RPL3L: variants seen among roughly 807,000 people sequenced by gnomAD.
RPL3L encodes ribosomal protein L3 like, also known as ribosomal protein uL3-like.
A neutral mutation model predicts 44.5 loss-of-function variants in RPL3L; 44 were observed. That is an observed-to-expected ratio of 0.99 (90% confidence interval 0.78 to 1.27). The LOEUF is 1.27. Ranked by LOEUF, RPL3L falls within the 50% of genes most tolerant of loss-of-function variation. RPL3L has a pLI of 0.00. For synonymous variants in RPL3L, 292 were observed against 230.7 expected (o/e 1.27, Z -2.41); for missense variants, 631 against 569.1 (o/e 1.11, Z -1.11).
chr16:1,946,938 C>T lies in RPL3L; in HGVS notation c.849G>A (p.Lys283=). The T allele has an allele frequency of 6.3e-7, 1 of 1,597,914 alleles. No homozygotes were observed. Among genetic ancestry groups the T allele is most frequent in the Non-Finnish European group, 8.5e-7 (1 of 1,171,610 alleles). ...CCCCGTACCCCGGCTGAGGACGCAC[C>T]TTCTTGTTGAGCTCCGTGCGGTGGT... ...GYHHRTELNK[K]IFRIGRGPHM... Residue 283 remains lysine (K), a splice_region_variant and synonymous_variant, in exon 6 of 10, where the codon AAG becomes AAA. Coordinates refer to ENST00000268661, the MANE Select transcript of RPL3L (RefSeq NM_005061.3).
rs770553809 is a variant in RPL3L, at chr16:1,953,002, T to G, written c.237A>C (p.Val79=). ...KREEVEAVTI[V]ETPPLVVVGV... is the part of the protein sequence containing the mutation. Reference sequence around the variant, plus strand: ...CCACCACCACTAGGGGCGGCGTTTCTACAATTGTCACCGCCTCCACCTCCT... The same window carrying G: ...CCACCACCACTAGGGGCGGCGTTTCGACAATTGTCACCGCCTCCACCTCCT... The change falls in exon 3 of 10, where the codon GTA becomes GTC. Residue 79 remains valine, a synonymous_variant. Transcript: ENST00000268661. The G allele has an allele frequency of 1.4e-5, 22 of 1,609,758 alleles. No individual in the cohort carries two copies. Among genetic ancestry groups the G allele is most frequent in the Admixed American group, 3.4e-5 (2 of 58,952 alleles).
chr16:1,951,017 C>T (rs2150864652), intron 3 of RPL3L, 38 bp from the exon 4 acceptor site: 1 of 1,605,860 alleles, frequency 6.2e-7, no homozygotes, highest in Admixed American at 1.7e-5. Context: ...AAGCCCCCAA[C>T]CGGGGCAGCT....
rs746514363 is a variant in RPL3L, at chr16:1,950,911, T to C, written c.434A>G (p.Gln145Arg). The C allele has an allele frequency of 8.7e-6, 14 of 1,613,950 alleles. No homozygotes were observed. Among genetic ancestry groups the C allele is most frequent in the East Asian group, 2.2e-5 (1 of 44,894 alleles). ...CATGGCGGCGAAGTCCTTCTGTAGC[T>C]GCTTTTTCCCGTCTGTGTCCCGCCA... is the stretch of plus-strand genomic sequence containing the variant. The part of the protein sequence containing the change: ...KRWRDTDGKK[Q>R]LQKDFAAMKK... Residue 145 changes from glutamine (Q) to arginine (R), a missense_variant, in exon 4 of 10, where the codon CAG becomes CGG. Physicochemically the swap from Gln to Arg is conservative, Grantham distance 43. Transcript: ENST00000268661.
intron 4 of RPL3L, among the ~76,000 whole-genome samples, chr16:1,950,570 A>C (rs2083164881): frequency 6.6e-6 from 1 of 152,166 alleles, no homozygotes; most frequent in Admixed American, 6.5e-5. Flanking sequence ...CCCTCCACAC[A>C]GCACACTTGG....
At chr16:1,946,747 C>G (rs1207367135) in intron 6 of RPL3L, 21 bp from the exon 7 acceptor site, 5 of 1,610,896 alleles carry the variant, frequency 3.1e-6, no homozygotes, top group Non-Finnish European at 4.2e-6. Flanking sequence ...GGGGCACATG[C>G]CAGGGGCAGG....
intron 1 of RPL3L, 78 bp from the exon 2 acceptor site, chr16:1,954,226 G>C: frequency 1.5e-6 from 2 of 1,359,616 alleles, no homozygotes; most frequent in South Asian, 3.1e-5. Context: ...ACCCATACCT[G>C]GAGAAATGGA....
chr16:1,948,707 T>TTTTG (rs1555481157), intron 4 of RPL3L, among the ~76,000 whole-genome samples: 7 of 142,482 alleles, frequency 4.9e-5, no homozygotes, highest in African/African-American at 8.7e-5. Context: ...GTTGTTTTTT[T>TTTTG]TTTGTTTGTT....
Position 1,947,272 on chromosome 16 carries a change from G to C in RPL3L, c.610C>G (p.Gln204Glu). 1 of 1,613,396 alleles carries C rather than the reference G, an allele frequency of 6.2e-7. No homozygotes were observed. Among genetic ancestry groups the C allele is most frequent in the Non-Finnish European group, 8.5e-7 (1 of 1,179,874 alleles). ...VAWAQARLEKQVPVHSVFSQS... is the reference protein window; with the variant it reads ...VAWAQARLEKEVPVHSVFSQS... ...CTGAACACGCTGTGCACGGGCACCTGCTTCTCCAGCCGGGCCTGGGCCCAG... is the reference window on the plus strand; with the variant it reads ...CTGAACACGCTGTGCACGGGCACCTCCTTCTCCAGCCGGGCCTGGGCCCAG... The change falls in exon 5 of 10, where the codon CAG (glutamine) becomes GAG (glutamate). Residue 204 changes from glutamine to glutamate, a missense_variant. Physicochemically the swap from Gln to Glu is conservative, Grantham distance 29. Coordinates refer to ENST00000268661, the MANE Select transcript of RPL3L (RefSeq NM_005061.3).
chr16:1,944,340 A>C lies in RPL3L; in HGVS notation c.*497T>G, dbSNP rs2083103741. The C allele has an allele frequency of 6.4e-6, 1 of 156,948 alleles. No homozygotes were observed. The highest frequency in any genetic ancestry group is 2.4e-5 in the African/African-American group (1 of 41,428). 9.7% of individuals were successfully genotyped at this position (156,948 alleles called of 1,614,324 possible). Reference sequence around the variant, plus strand: ...CAACTTGATGGATCTGCTGGCACCAACCAGATTGATAAACTGGCTCATCTG... The same window carrying C: ...CAACTTGATGGATCTGCTGGCACCACCCAGATTGATAAACTGGCTCATCTG... On this transcript the variant is annotated 3_prime_UTR_variant, in exon 10 of 10. Transcript: ENST00000268661.
chr16:1,952,587 G>C (rs1033973407), intron 3 of RPL3L, among the ~76,000 whole-genome samples: 19 of 152,106 alleles, frequency 1.2e-4, no homozygotes, highest in African/African-American at 4.1e-4. Context: ...TGTTGGCCAA[G>C]CTGGTCTCAA....
chr16:1,944,769 C>G lies in RPL3L; in HGVS notation c.*68G>C. The G allele has an allele frequency of 6.2e-7, 1 of 1,607,116 alleles. No individual in the cohort carries two copies. Among genetic ancestry groups the G allele is most frequent in the Non-Finnish European group, 8.5e-7 (1 of 1,174,048 alleles). On this transcript the variant is annotated 3_prime_UTR_variant, in exon 10 of 10. Transcript: ENST00000268661. ...TCTGAGACCTCGCAGGAAGAGTCGC[C>G]TCCGGCCTTTGTTAGACATTGGGGC... is the stretch of plus-strand genomic sequence containing the variant.
Position 1,944,440 on chromosome 16 carries a change from A to G in RPL3L, c.*397T>C, listed in dbSNP as rs538907315. 1.6e-4 allele frequency: 27 copies of G among 169,880 alleles called. No individual in the cohort carries two copies. Among genetic ancestry groups the G allele is most frequent in the Non-Finnish European group, 3.1e-4 (24 of 78,154 alleles). 10.5% of individuals were successfully genotyped at this position (169,880 alleles called of 1,614,324 possible). The stretch of plus-strand genomic sequence containing the variant: ...CTCCCTGTGATTTCCTCCCTGACCA[A>G]TCGGCTCTCCTGGCTCACTGGCTCT... On this transcript the variant is annotated 3_prime_UTR_variant, in exon 10 of 10. Coordinates refer to ENST00000268661, the MANE Select transcript of RPL3L (RefSeq NM_005061.3).
intron 9 of RPL3L, 88 bp from the exon 10 acceptor site, chr16:1,944,981 C>G: frequency 6.5e-7 from 1 of 1,532,366 alleles, no homozygotes; most frequent in South Asian, 1.1e-5. Flanking sequence ...CACTCAGGGC[C>G]GGCCCTACTG....
At chr16:1,946,058 T>A in intron 7 of RPL3L, 128 bp from the exon 8 acceptor site, 1 of 712,086 alleles carries the variant, frequency 1.4e-6, no homozygotes, top group Non-Finnish European at 2.4e-6. Flanking sequence ...CCCCCAGATG[T>A]AGGGGTGACT....
intron 3 of RPL3L, among the ~76,000 whole-genome samples, chr16:1,951,365 C>T (rs903025761): frequency 6.6e-6 from 1 of 152,134 alleles, no homozygotes; most frequent in Admixed American, 6.6e-5. Context: ...CCAGGCACCT[C>T]GGGCTTGGGA....
intron 2 of RPL3L, among the ~76,000 whole-genome samples, chr16:1,953,348 T>G (rs1343331305): frequency 7.0e-6 from 1 of 141,920 alleles, no homozygotes; most frequent in Non-Finnish European, 1.5e-5. Flanking sequence ...GCCTCCCAAG[T>G]AGCTGCGACT....
rs758052886 is a variant in RPL3L, at chr16:1,950,906, G to A, written c.439C>T (p.Gln147Ter). 8.1e-6 allele frequency: 13 copies of A among 1,613,974 alleles called. No homozygotes were observed. In the Admixed American group the frequency reaches 8.3e-5, roughly 10 times the overall value. The change falls in exon 4 of 10, where the codon CAG becomes TAG. Residue 147 changes from glutamine (Q) to a stop codon, truncating the protein, a stop_gained. Transcript: ENST00000268661. LOFTEE classifies it high-confidence loss of function. The stretch of plus-strand genomic sequence containing the variant: ...TTCTTCATGGCGGCGAAGTCCTTCT[G>A]TAGCTGCTTTTTCCCGTCTGTGTCC... ...WRDTDGKKQL[Q>*]KDFAAMKKYC...
At position 1,945,861 on chromosome 16, in the gene RPL3L, T is replaced by G; in HGVS notation, c.1021A>C (p.Lys341Gln). ...TTTCTCAGCGTAATGACCCGCTTCT[T>G]GGTACCAGCAATACAACCCTTCAGC... The part of the protein sequence containing the change: ...VMLKGCIAGT[K>Q]KRVITLRKSL... The change falls in exon 8 of 10, where the codon AAG becomes CAG. Residue 341 changes from lysine (K) to glutamine (Q), a missense_variant. Coordinates refer to ENST00000268661, the MANE Select transcript of RPL3L (RefSeq NM_005061.3). The G allele has an allele frequency of 6.2e-7, 1 of 1,613,980 alleles. No homozygotes were observed. Among genetic ancestry groups the G allele is most frequent in the Non-Finnish European group, 8.5e-7 (1 of 1,179,998 alleles).
chr16:1,945,952 G>C, intron 7 of RPL3L, 22 bp from the exon 8 acceptor site: 3 of 1,586,426 alleles, frequency 1.9e-6, no homozygotes, highest in Non-Finnish European at 2.6e-6. Flanking sequence ...ACAGGTCAGA[G>C]GCCAGGCCCG....
Sources: allele counts gnomAD v4.1 joint callset (sites outside exome capture counted in the v4.1 genomes callset), GRCh38; gene constraint gnomAD v4.1.1; transcripts MANE v1.5; gene names NCBI Gene and HGNC (gene_info 2026-07-23, HGNC 2026-07-21).